FAAH2: variants seen among roughly 807,000 people sequenced by gnomAD.
The protein encoded by FAAH2 is fatty acid amide hydrolase 2, also known as fatty-acid amide hydrolase 2.
FAAH2 carries 60 observed loss-of-function variants against 36.9 expected under a neutral mutation model. The observed-to-expected ratio is 1.63, with a 90% CI of 1.32 to 2.02. The LOEUF is 2.02. Among genes scored for constraint, FAAH2 ranks in the 30% most tolerant of loss-of-function variants. FAAH2 has a pLI of 0.00. For missense variants in FAAH2, 689 were observed against 397.5 expected, an observed-to-expected ratio of 1.73 and a Z score of -6.23; for synonymous variants, 214 against 143.8, an observed-to-expected ratio of 1.49 and a Z score of -3.49.
At chrX:57,176,521 C>A in the FAAH2 span, among the ~76,000 whole-genome samples, 4 of 110,997 alleles carry the variant, frequency 3.6e-5, no homozygotes, top group Non-Finnish European at 7.6e-5. Context: ...TTTAACTTTC[C>A]TTTGTGTCTC....
intron 8 of FAAH2, among the ~76,000 whole-genome samples, chrX:57,435,929 A>C (rs1286093149): frequency 1.8e-5 from 2 of 111,602 alleles, no homozygotes; most frequent in African/African-American, 6.5e-5. Context: ...TCTCCAAGAT[A>C]GACCATGTAT....
chrX:57,474,059 G>A (rs945047269), intron 10 of FAAH2, among the ~76,000 whole-genome samples: 2 of 111,609 alleles, frequency 1.8e-5, no homozygotes, highest in South Asian at 3.7e-4. Context: ...TTATTTTGGA[G>A]TTTCCATTGT....
the FAAH2 span, among the ~76,000 whole-genome samples, chrX:57,269,125 A>G: frequency 8.9e-6 from 1 of 111,872 alleles, no homozygotes; most frequent in East Asian, 2.8e-4. Flanking sequence ...CAAAAAGGAC[A>G]CAGAAAAACG....
intron 7 of FAAH2, among the ~76,000 whole-genome samples, chrX:57,382,088 C>G (rs188804179): frequency 8.2e-4 from 91 of 111,254 alleles, no homozygotes; most frequent in Non-Finnish European, 1.0e-3. Context: ...GGGTACATAA[C>G]GAAATGAAGG....
the FAAH2 span, among the ~76,000 whole-genome samples, chrX:57,242,611 A>T: frequency 2.7e-5 from 3 of 111,412 alleles, no homozygotes; most frequent in Non-Finnish European, 5.7e-5. Flanking sequence ...ATGGAGGGTG[A>T]GCAGAAACAG....
chrX:57,404,296 T>C (rs958813878), intron 7 of FAAH2, among the ~76,000 whole-genome samples: 1 of 112,537 alleles, frequency 8.9e-6, no homozygotes, highest in Non-Finnish European at 1.9e-5. Flanking sequence ...TCTTTACTAC[T>C]TCTATCTTTC....
the FAAH2 span, among the ~76,000 whole-genome samples, chrX:57,248,078 A>C: frequency 1.8e-5 from 2 of 112,239 alleles, no homozygotes; most frequent in Non-Finnish European, 3.8e-5. Context: ...TAGATGACAT[A>C]TTTACTCACA....
intron 2 of FAAH2, among the ~76,000 whole-genome samples, chrX:57,306,990 C>CATATATATATATATATATAT (rs1362729726): frequency 1.1e-4 from 1 of 8,997 alleles, no homozygotes; most frequent in African/African-American, 1.2e-4. Context: ...CACACACACA[C>CATATATATATATATATATAT]ACAGATACAT....
intron 5 of FAAH2, among the ~76,000 whole-genome samples, chrX:57,364,685 TG>T (rs1479853792): frequency 1.8e-5 from 2 of 110,439 alleles, no homozygotes; most frequent in Non-Finnish European, 3.8e-5. Flanking sequence ...TTGATGTAGT[TG>T]CTCAGCACTC....
At chrX:57,151,228 A>G in the FAAH2 span, among the ~76,000 whole-genome samples, 2 of 111,405 alleles carry the variant, frequency 1.8e-5, no homozygotes, top group Admixed American at 1.9e-4. Context: ...TGAATCTGAC[A>G]ATTATGTGTC....
At chrX:57,467,686 C>T (rs2057076965) in intron 10 of FAAH2, among the ~76,000 whole-genome samples, 1 of 112,000 alleles carries the variant, frequency 8.9e-6, no homozygotes, top group African/African-American at 3.2e-5. Flanking sequence ...AGGGCATAGC[C>T]AAACAAAAGG....
chrX:57,325,228 G>A (rs1168206943), intron 3 of FAAH2, among the ~76,000 whole-genome samples: 2 of 111,724 alleles, frequency 1.8e-5, no homozygotes, highest in Non-Finnish European at 3.8e-5. Flanking sequence ...ATGTGCTGCT[G>A]GATTCAGTTT....
chrX:57,218,862 T>C, the FAAH2 span, among the ~76,000 whole-genome samples: 1 of 111,969 alleles, frequency 8.9e-6, no homozygotes. Context: ...TTTTAAATTA[T>C]CATTTAAATC....
intron 2 of FAAH2, among the ~76,000 whole-genome samples, chrX:57,295,478 G>A (rs954372112): frequency 2.7e-5 from 3 of 111,901 alleles, no homozygotes; most frequent in Non-Finnish European, 5.6e-5. Context: ...AGAGGGGGTG[G>A]AGCCAAGATG....
chrX:57,431,895 T>C, intron 7 of FAAH2, 23 bp from the exon 8 acceptor site: 1 of 1,174,279 alleles, frequency 8.5e-7, no homozygotes, highest in Non-Finnish European at 1.1e-6. Context: ...TGTTTGTCTG[T>C]TTTTATATCT....
intron 10 of FAAH2, among the ~76,000 whole-genome samples, chrX:57,470,641 G>C (rs769725978): frequency 6.3e-5 from 7 of 111,277 alleles, no homozygotes; most frequent in Admixed American, 4.8e-4. Flanking sequence ...GGAGCAGATG[G>C]ACTCGCAGCC....
At chrX:57,284,072 A>G (rs2051777886), upstream of FAAH2, among the ~76,000 whole-genome samples, 1 of 111,894 alleles carries the variant, frequency 8.9e-6, no homozygotes, top group Non-Finnish European at 1.9e-5. Context: ...ATGAGCGTGG[A>G]AAAACGTCAG....
At chrX:57,242,599 C>T in the FAAH2 span, among the ~76,000 whole-genome samples, 1 of 111,321 alleles carries the variant, frequency 9.0e-6, no homozygotes, top group Non-Finnish European at 1.9e-5. Flanking sequence ...TGGATGCAGC[C>T]CATGGAGGGT....
At chrX:57,401,423 G>A (rs925255451) in intron 7 of FAAH2, among the ~76,000 whole-genome samples, 10 of 111,613 alleles carry the variant, frequency 9.0e-5, no homozygotes, top group African/African-American at 2.9e-4. Context: ...TAAGGTTCAG[G>A]ACTGTAAACC....
Sources: allele counts gnomAD v4.1 joint callset (sites outside exome capture counted in the v4.1 genomes callset), GRCh38; gene constraint gnomAD v4.1.1; transcripts MANE v1.5; gene names NCBI Gene and HGNC (gene_info 2026-07-23, HGNC 2026-07-21).